Variants in PIAS1 observed in about 807,000 individuals in gnomAD.
PIAS1 encodes protein inhibitor of activated STAT 1.
In PIAS1, 6 loss-of-function variants were observed where a neutral mutation model predicts 71.3. The ratio of observed to expected loss-of-function variants is 0.08; its 90% CI spans 0.05 to 0.17. The LOEUF (loss-of-function observed/expected upper bound fraction) is 0.17, where lower values mean the gene tolerates loss of function less well. Ranked by LOEUF, PIAS1 falls within the 10% of genes least tolerant of loss-of-function variation. The pLI is 1.00. For missense variants in PIAS1, 555 were observed against 793.6 expected (o/e 0.70, Z 3.61); for synonymous variants, 303 against 292.9 (o/e 1.03, Z -0.35).
At chr15:68,099,404 T>C (rs981523764) in intron 2 of PIAS1, among the ~76,000 whole-genome samples, 4 of 151,884 alleles carry the variant, frequency 2.6e-5, no homozygotes, top group Admixed American at 2.0e-4. Flanking sequence ...TGATTGTCTT[T>C]TGAGTTTTTT....
At position 68,181,285 on chromosome 15, in the gene PIAS1, A is replaced by G. The variant is rs2093052119; in HGVS notation, c.1555A>G (p.Ile519Val). 16 of 1,613,704 alleles carry G rather than the reference A, an allele frequency of 9.9e-6. No individual in the cohort carries two copies. Among genetic ancestry groups the G allele is most frequent in the Non-Finnish European group, 1.4e-5 (16 of 1,179,644 alleles). ...CCTTCCTGCTGTAGACACAAGCTAC[A>G]TTAATACCTCCCTCATCCAAGACTA... is the stretch of plus-strand genomic sequence containing the variant. Reference protein sequence around the residue: ...PSLPAVDTSYINTSLIQDYRH... With the variant: ...PSLPAVDTSYVNTSLIQDYRH... The change falls in exon 12 of 14, where the codon ATT (isoleucine) becomes GTT (valine). Residue 519 changes from isoleucine (I) to valine (V), a missense_variant. Coordinates refer to ENST00000249636, the MANE Select transcript of PIAS1 (RefSeq NM_016166.3).
rs572271004 is a variant in PIAS1, at chr15:68,182,662, C to T, written c.1625-968C>T. 2.8e-4 allele frequency among the ~76,000 whole-genome samples: 42 copies of T among 152,290 alleles called. No homozygotes were observed. In the East Asian group the frequency reaches 5.2e-3, roughly 19 times the overall value. Reference sequence around the variant, plus strand: ...CTCAAACTCCCGACCTCAGGTGATTCGCCTGCCTTCGCTTCCCAAAGTGCT... The same window carrying T: ...CTCAAACTCCCGACCTCAGGTGATTTGCCTGCCTTCGCTTCCCAAAGTGCT... On this transcript the variant is annotated intron_variant, in intron 12 of 13. Coordinates refer to ENST00000249636, the MANE Select transcript of PIAS1 (RefSeq NM_016166.3).
Position 68,186,205 on chromosome 15 carries a change from C to T in PIAS1, c.1663-1337C>T, listed in dbSNP as rs2141108804. 1.3e-5 allele frequency among the ~76,000 whole-genome samples: 2 copies of T among 152,304 alleles called. No individual in the cohort carries two copies. The highest frequency in any genetic ancestry group is 3.9e-4 in the East Asian group (2 of 5,188). On this transcript the variant is annotated intron_variant, in intron 13 of 13. Coordinates refer to ENST00000249636, the MANE Select transcript of PIAS1 (RefSeq NM_016166.3). This position sits in a 1 kb window ranked among gnomAD's most constrained non-coding sequence, Gnocchi z 4.4. ...ATAGCAAATGACAGCTCCATGCATG[C>T]TATTTTCCCTGAAGACCATGCAGTG...
rs1171983465 is a variant in PIAS1 at position 68,174,839 on chromosome 15, A to G, written c.1170-798A>G. 6.6e-6 allele frequency among the ~76,000 whole-genome samples: 1 copy of G among 152,216 alleles called. No homozygotes were observed. The highest frequency in any genetic ancestry group is 2.4e-5 in the African/African-American group (1 of 41,460). ...ATGTCAGACCAGTCATGGGAAACAAACAAACAAACAACATGTAACTTAAAT... is the reference window on the plus strand; with the variant it reads ...ATGTCAGACCAGTCATGGGAAACAAGCAAACAAACAACATGTAACTTAAAT... On this transcript the variant is annotated intron_variant, in intron 9 of 13. Transcript: ENST00000249636. The surrounding 1 kb of genome is among the most constrained non-coding windows in gnomAD (Gnocchi z 4.0).
intron 6 of PIAS1, among the ~76,000 whole-genome samples, chr15:68,147,572 G>A (rs369848281): frequency 3.4e-4 from 51 of 151,952 alleles, no homozygotes; most frequent in African/African-American, 1.0e-3. Context: ...CAAAGTTTTC[G>A]TATAGCCAAA....
chr15:68,098,044 C>A (rs530747040), intron 2 of PIAS1, among the ~76,000 whole-genome samples: 1 of 152,120 alleles, frequency 6.6e-6, no homozygotes, highest in South Asian at 2.1e-4. Flanking sequence ...TTACTCTGTT[C>A]CACTGGTCTA....
At position 68,171,025 on chromosome 15, in the gene PIAS1, A is replaced by G. The variant is rs1484131862; in HGVS notation, c.1009-2707A>G. 2.0e-5 allele frequency among the ~76,000 whole-genome samples: 3 copies of G among 151,296 alleles called. No homozygotes were observed. The highest frequency in any genetic ancestry group is 3.0e-5 in the Non-Finnish European group (2 of 67,684). On this transcript the variant is annotated intron_variant, in intron 8 of 13. Coordinates refer to ENST00000249636, the MANE Select transcript of PIAS1 (RefSeq NM_016166.3). The surrounding 1 kb of genome is among the most constrained non-coding windows in gnomAD (Gnocchi z 4.4). The stretch of plus-strand genomic sequence containing the variant: ...ACAACACTTAGCTTAAAACACAAGC[A>G]CATTGTACAGCTGTACAAAAATATT...
intron 1 of PIAS1, among the ~76,000 whole-genome samples, chr15:68,071,816 C>T (rs538896569): frequency 2.2e-4 from 34 of 151,704 alleles, no homozygotes; most frequent in African/African-American, 8.2e-4. Flanking sequence ...TGGGGAGTGA[C>T]GTCAATCTGT....
At chr15:68,176,039 T>A (rs572727867) in intron 10 of PIAS1, among the ~76,000 whole-genome samples, 120 of 152,298 alleles carry the variant, frequency 7.9e-4, no homozygotes, top group African/African-American at 2.8e-3. Context: ...GTACCCTTTT[T>A]AAATTTTTAA....
At chr15:68,144,119 GAAA>G (rs11330725) in intron 4 of PIAS1, among the ~76,000 whole-genome samples, 3 of 124,596 alleles carry the variant, frequency 2.4e-5, no homozygotes, top group African/African-American at 2.9e-5. Flanking sequence ...CCAGGACTTG[GAAA>G]AAAAAAAAAA....
chr15:68,182,612 G>T (rs2093062154), intron 12 of PIAS1, among the ~76,000 whole-genome samples: 1 of 152,040 alleles, frequency 6.6e-6, no homozygotes, highest in Non-Finnish European at 1.5e-5. Flanking sequence ...TAGAGACGGG[G>T]TTTCACCATG....
chr15:68,074,150 C>G (rs2092131146), intron 1 of PIAS1, among the ~76,000 whole-genome samples: 1 of 151,994 alleles, frequency 6.6e-6, no homozygotes, highest in Admixed American at 6.6e-5. Context: ...CAAGGTTAGG[C>G]TGGAAATAAA....
chr15:68,075,078 C>CTTTTTTTTTTTTTTTTTTTT (rs146114696), intron 1 of PIAS1, among the ~76,000 whole-genome samples: 2 of 81,782 alleles, frequency 2.4e-5, no homozygotes, highest in Non-Finnish European at 4.8e-5. Flanking sequence ...TTCTTTCTTT[C>CTTTTTTTTTTTTTTTTTTTT]TTTTTTTTTT....
chr15:68,066,500 G>A (rs2092028685), intron 1 of PIAS1, among the ~76,000 whole-genome samples: 1 of 152,188 alleles, frequency 6.6e-6, no homozygotes, highest in Non-Finnish European at 1.5e-5. Context: ...CTCTCCAGCA[G>A]AGCTTAGCTC....
chr15:68,104,227 C>A (rs1297044628), intron 2 of PIAS1, among the ~76,000 whole-genome samples: 1 of 152,106 alleles, frequency 6.6e-6, no homozygotes, highest in Admixed American at 6.5e-5. Flanking sequence ...ATTTAACTTA[C>A]TCTCATTTTA....
Position 68,176,522 on chromosome 15 carries a change from C to T in PIAS1, c.1349C>T (p.Ser450Phe). ...CATCAGGTAGCGTCTCACCACCAGT[C>T]CTCAAATAAAAACAAGAAAGTAGAA... is the stretch of plus-strand genomic sequence containing the variant. ...LEHQVASHHQ[S>F]SNKNKKVEVI... Residue 450 changes from serine to phenylalanine, a missense_variant, in exon 11 of 14, where the codon TCC becomes TTC. Coordinates refer to ENST00000249636, the MANE Select transcript of PIAS1 (RefSeq NM_016166.3). 1 of 1,612,092 alleles carries T rather than the reference C, an allele frequency of 6.2e-7. No homozygotes were observed. Among genetic ancestry groups the T allele is most frequent in the Non-Finnish European group, 8.5e-7 (1 of 1,179,100 alleles).
At chr15:68,059,494 GAGGT>G (rs1227816988) in intron 1 of PIAS1, among the ~76,000 whole-genome samples, 5 of 151,582 alleles carry the variant, frequency 3.3e-5, no homozygotes, top group Admixed American at 3.3e-4. Context: ...GGCGGATCAC[GAGGT>G]CAGGAGTTGA....
chr15:68,142,433 A>G, intron 4 of PIAS1, 96 bp downstream of exon 4: 1 of 949,216 alleles, frequency 1.1e-6, no homozygotes, highest in Non-Finnish European at 1.6e-6. Context: ...ACTGTAGGAT[A>G]TATTCAAAGT....
At chr15:68,158,165 C>G (rs186123549) in intron 7 of PIAS1, among the ~76,000 whole-genome samples, 1 of 152,254 alleles carries the variant, frequency 6.6e-6, no homozygotes, top group Admixed American at 6.5e-5. Context: ...CACAAACTTT[C>G]CATCATGTGG....
Sources: allele counts gnomAD v4.1 joint callset (sites outside exome capture counted in the v4.1 genomes callset), GRCh38; gene constraint gnomAD v4.1.1; non-coding constraint Gnocchi (gnomAD v3.1); transcripts MANE v1.5; gene names NCBI Gene and HGNC (gene_info 2026-07-23, HGNC 2026-07-21).